KIRREL3: variants seen among roughly 807,000 people sequenced by gnomAD.
KIRREL3 encodes the protein kin of IRRE-like protein 3.
A neutral mutation model predicts 89.7 loss-of-function variants in KIRREL3; 36 were observed. That is an observed-to-expected ratio of 0.40 (90% CI 0.31 to 0.53). KIRREL3 has a LOEUF of 0.53. KIRREL3 is among the 20% of genes least tolerant of loss of function. The pLI is 0.49. For synonymous variants in KIRREL3, 445 were observed against 441.4 expected (o/e 1.01, Z -0.10); for missense variants, 864 against 1,056.6 (o/e 0.82, Z 2.53).
chr11:126,966,789 G>T (rs1949284523), intron 1 of KIRREL3, among the ~76,000 whole-genome samples: 1 of 152,130 alleles, frequency 6.6e-6, no homozygotes, highest in Non-Finnish European at 1.5e-5. Context: ...TGTAAAATGG[G>T]AATAATGCTT....
At chr11:126,833,769 C>G (rs1943688209) in intron 1 of KIRREL3, among the ~76,000 whole-genome samples, 1 of 152,192 alleles carries the variant, frequency 6.6e-6, no homozygotes, top group Admixed American at 6.5e-5. Flanking sequence ...ACACATTGCC[C>G]ATCTTCCTGA....
rs572938685 is a variant in KIRREL3 at position 126,553,816 on chromosome 11, A to G, written c.133+9019T>C. 1.2e-4 allele frequency among the ~76,000 whole-genome samples: 18 copies of G among 152,240 alleles called. No homozygotes were observed. The highest frequency in any genetic ancestry group is 4.3e-4 in the African/African-American group (18 of 41,542). On this transcript the variant is annotated intron_variant, in intron 2 of 16. Coordinates refer to ENST00000525144, the MANE Select transcript of KIRREL3 (RefSeq NM_032531.4). This position sits in a 1 kb window ranked among gnomAD's most constrained non-coding sequence, Gnocchi z 4.7. The stretch of plus-strand genomic sequence containing the variant: ...CTGCCCATGATTCAGTAAAACCTAA[A>G]CACAGAGGCCTCTACCATTGTTCAT...
chr11:126,541,870 A>G lies in KIRREL3; in HGVS notation c.134-15183T>C, dbSNP rs997732974. ...GTGCGCATTGATGTTCCCACTGCAC[A>G]GTGAAGGCATTTTCACACCTTTTGA... is the stretch of plus-strand genomic sequence containing the variant. On this transcript the variant is annotated intron_variant, in intron 2 of 16. Coordinates refer to ENST00000525144, the MANE Select transcript of KIRREL3 (RefSeq NM_032531.4). The surrounding 1 kb of genome is among the most constrained non-coding windows in gnomAD (Gnocchi z 4.8). 6.6e-6 allele frequency among the ~76,000 whole-genome samples: 1 copy of G among 152,166 alleles called. No homozygotes were observed. Among genetic ancestry groups the G allele is most frequent in the Non-Finnish European group, 1.5e-5 (1 of 68,024 alleles).
At chr11:126,632,997 C>T (rs1944107909) in intron 1 of KIRREL3, among the ~76,000 whole-genome samples, 1 of 151,856 alleles carries the variant, frequency 6.6e-6, no homozygotes, top group African/African-American at 2.4e-5. Context: ...GAGGCTGAGG[C>T]AGGAGAATCA....
In KIRREL3 at chr11:126,802,750, A is replaced by G. The variant is rs577588307; in HGVS notation, c.55+197705T>C. On this transcript the variant is annotated intron_variant, in intron 1 of 16. Coordinates refer to ENST00000525144, the MANE Select transcript of KIRREL3 (RefSeq NM_032531.4). This position sits in a 1 kb window ranked among gnomAD's most constrained non-coding sequence, Gnocchi z 5.2. ...CTTTAAATCAATCTTTCTTAAATGT[A>G]TGTATAGATCTTTTTCAAAATGCTT... is the stretch of plus-strand genomic sequence containing the variant. Among the ~76,000 whole-genome samples, 1 of 152,312 alleles carries G rather than the reference A, an allele frequency of 6.6e-6. No individual in the cohort carries two copies. Among genetic ancestry groups the G allele is most frequent in the Admixed American group, 6.5e-5 (1 of 15,302 alleles).
At chr11:126,700,610 C>G (rs945893699) in intron 1 of KIRREL3, among the ~76,000 whole-genome samples, 1 of 152,254 alleles carries the variant, frequency 6.6e-6, no homozygotes, top group Non-Finnish European at 1.5e-5. Flanking sequence ...CGATCCTCTG[C>G]CTCCTAGCCT....
rs1720586539 is a variant in KIRREL3, at chr11:126,911,650, A to C, written c.55+88805T>G. ...AGGAAGAGAAGGACAGTCAGGAAGG[A>C]CTTTCCTCTTCTGGGCCCCAGCAGA... On this transcript the variant is annotated intron_variant, in intron 1 of 16. Transcript: ENST00000525144. 7.9e-5 allele frequency among the ~76,000 whole-genome samples: 12 copies of C among 152,212 alleles called. No homozygotes were observed. The South Asian group carries it at 2.3e-3, about 29-fold the overall frequency.
chr11:126,486,839 A>G lies in KIRREL3; in HGVS notation c.434-13373T>C, dbSNP rs1449190323. ...ATTGGTTCACTTCGGTAGCTTTAAT[A>G]GCATCAAGGCAGCCATCCTGACCCA... On this transcript the variant is annotated intron_variant, in intron 4 of 16. Coordinates refer to ENST00000525144, the MANE Select transcript of KIRREL3 (RefSeq NM_032531.4). This position sits in a 1 kb window ranked among gnomAD's most constrained non-coding sequence, Gnocchi z 6.2. 6.6e-6 allele frequency among the ~76,000 whole-genome samples: 1 copy of G among 152,218 alleles called. No individual in the cohort carries two copies. Among genetic ancestry groups the G allele is most frequent in the Non-Finnish European group, 1.5e-5 (1 of 68,042 alleles).
intron 4 of KIRREL3, among the ~76,000 whole-genome samples, chr11:126,517,406 T>C (rs1958452729): frequency 6.6e-6 from 1 of 152,156 alleles, no homozygotes; most frequent in Non-Finnish European, 1.5e-5. Flanking sequence ...GACAGCTCTC[T>C]CTGCACATGT....
intron 1 of KIRREL3, chr11:126,936,060 C>A (rs1381851324): frequency 6.6e-6 from 1 of 152,136 alleles, no homozygotes; most frequent in Non-Finnish European, 1.5e-5. Flanking sequence ...ATTAAATCTA[C>A]ATTTTCAAAA....
At position 126,755,936 on chromosome 11, in the gene KIRREL3, C is replaced by A. The variant is rs1383336094; in HGVS notation, c.56-193024G>T. 9.9e-5 allele frequency among the ~76,000 whole-genome samples: 15 copies of A among 151,982 alleles called. No homozygotes were observed. The highest frequency in any genetic ancestry group is 9.2e-4 in the Admixed American group (14 of 15,260). On this transcript the variant is annotated intron_variant, in intron 1 of 16. Coordinates refer to ENST00000525144, the MANE Select transcript of KIRREL3 (RefSeq NM_032531.4). This position sits in a 1 kb window ranked among gnomAD's most constrained non-coding sequence, Gnocchi z 4.3. ...AGCACCCAGCACCTAATTTTGGAAACTCACTCGTAATTTCAATCACATCTA... is the reference window on the plus strand; with the variant it reads ...AGCACCCAGCACCTAATTTTGGAAAATCACTCGTAATTTCAATCACATCTA...
At chr11:126,457,314 T>G (rs1168434331) in intron 6 of KIRREL3, among the ~76,000 whole-genome samples, 3 of 151,694 alleles carry the variant, frequency 2.0e-5, no homozygotes, top group African/African-American at 7.3e-5. Context: ...TATGTCTCTG[T>G]GTGTATGCAT....
intron 4 of KIRREL3, among the ~76,000 whole-genome samples, chr11:126,518,872 C>A (rs1045995127): frequency 6.6e-6 from 1 of 152,232 alleles, no homozygotes; most frequent in Non-Finnish European, 1.5e-5. Flanking sequence ...GGGTTGGGGA[C>A]CTGGGAGTGT....
At chr11:126,700,368 C>T (rs1486646966) in intron 1 of KIRREL3, among the ~76,000 whole-genome samples, 2 of 152,196 alleles carry the variant, frequency 1.3e-5, no homozygotes, top group African/African-American at 4.8e-5. Flanking sequence ...CCTTATTTTC[C>T]TCTTCATTAC....
chr11:126,655,453 C>T lies in KIRREL3; in HGVS notation c.56-92541G>A, dbSNP rs1448260621. Among the ~76,000 whole-genome samples, 1 of 152,116 alleles carries T rather than the reference C, an allele frequency of 6.6e-6. No individual in the cohort carries two copies. The highest frequency in any genetic ancestry group is 2.4e-5 in the African/African-American group (1 of 41,408). On this transcript the variant is annotated intron_variant, in intron 1 of 16. Transcript: ENST00000525144. The surrounding 1 kb of genome is among the most constrained non-coding windows in gnomAD (Gnocchi z 5.0). Reference sequence around the variant, plus strand: ...CTCTTTTCTCCTTCACCCCTCCACTCCCCCCACAAACAACTGAATTTGGAA... The same window carrying T: ...CTCTTTTCTCCTTCACCCCTCCACTTCCCCCACAAACAACTGAATTTGGAA...
In KIRREL3 at chr11:126,996,825, T is replaced by A. The variant is rs1005628699; in HGVS notation, c.55+3630A>T. Among the ~76,000 whole-genome samples the A allele has an allele frequency of 9.2e-5, 14 of 152,302 alleles. 1 individual carries two copies. The East Asian group carries it at 1.7e-3, about 19-fold the overall frequency. ...TCACTTTTACCCCAATACAGTACAG[T>A]GTGCATGCAAAGCCAAAAGATCTGG... On this transcript the variant is annotated intron_variant, in intron 1 of 16. Transcript: ENST00000525144. This position sits in a 1 kb window ranked among gnomAD's most constrained non-coding sequence, Gnocchi z 4.7.
At chr11:126,692,677 T>G (rs1946927344) in intron 1 of KIRREL3, among the ~76,000 whole-genome samples, 1 of 151,896 alleles carries the variant, frequency 6.6e-6, no homozygotes, top group Non-Finnish European at 1.5e-5. Context: ...AAGGAAAACC[T>G]TCCATATGCT....
chr11:126,829,854 C>T (rs531515609), intron 1 of KIRREL3, among the ~76,000 whole-genome samples: 58 of 152,230 alleles, frequency 3.8e-4, no homozygotes, highest in South Asian at 6.2e-4. Context: ...CAGACAAGTG[C>T]GACGGGAATG....
rs1955086144 is a variant in KIRREL3 at position 126,430,358 on chromosome 11, T to C, written c.1696+1061A>G. Among the ~76,000 whole-genome samples the C allele has an allele frequency of 6.6e-6, 1 of 152,060 alleles. No homozygotes were observed. Among genetic ancestry groups the C allele is most frequent in the African/African-American group, 2.4e-5 (1 of 41,386 alleles). ...GACTCAGGAGGCTTAGGCACGAGAA[T>C]CGCTTGAACCTGGGAGGCGGAGGTT... On this transcript the variant is annotated intron_variant, in intron 14 of 16. Coordinates refer to ENST00000525144, the MANE Select transcript of KIRREL3 (RefSeq NM_032531.4). The surrounding 1 kb of genome is among the most constrained non-coding windows in gnomAD (Gnocchi z 6.6).
Sources: gnomAD v4.1 joint callset for allele counts (sites outside exome capture counted in the v4.1 genomes callset) on GRCh38, gnomAD v4.1.1 for gene constraint, Gnocchi (gnomAD v3.1) non-coding constraint, MANE v1.5 for transcripts, NCBI Gene and HGNC (gene_info 2026-07-23, HGNC 2026-07-21) for gene names.